Variants in DSCAML1 observed in about 807,000 individuals in gnomAD.
The protein encoded by DSCAML1 is cell adhesion molecule DSCAML1.
Under a neutral mutation model 200.5 loss-of-function variants are expected in DSCAML1, and 38 were observed. The observed-to-expected ratio is 0.19, with a 90% CI of 0.15 to 0.25. DSCAML1 has a LOEUF of 0.25. DSCAML1 is among the 10% of genes least tolerant of loss of function. The pLI is 1.00. For missense variants in DSCAML1, 2,223 were observed against 2,858.8 expected (o/e 0.78, Z 5.07); for synonymous variants, 1,215 against 1,165.0 (o/e 1.04, Z -0.87).
chr11:117,655,378 T>C (rs1369142330), intron 3 of DSCAML1, among the ~76,000 whole-genome samples: 1 of 152,240 alleles, frequency 6.6e-6, no homozygotes, highest in African/African-American at 2.4e-5. Flanking sequence ...GCATCAGACA[T>C]AGACTTTACA....
chr11:117,745,639 A>C (rs73585222), intron 3 of DSCAML1, among the ~76,000 whole-genome samples: 178 of 152,302 alleles, frequency 1.2e-3, no homozygotes, highest in African/African-American at 4.0e-3. Context: ...TGGCATGTCC[A>C]TCCTCCTCCG....
chr11:117,627,941 G>GC (rs2052090052), intron 3 of DSCAML1, among the ~76,000 whole-genome samples: 1 of 151,994 alleles, frequency 6.6e-6, no homozygotes, highest in Non-Finnish European at 1.5e-5. Flanking sequence ...GGGACCATGG[G>GC]CCCCTATGCA....
At chr11:117,587,372 C>T (rs1255099612) in intron 3 of DSCAML1, among the ~76,000 whole-genome samples, 1 of 151,926 alleles carries the variant, frequency 6.6e-6, no homozygotes, top group Admixed American at 6.6e-5. Context: ...AGCCGCAGGG[C>T]TCGGATGCTG....
intron 3 of DSCAML1, among the ~76,000 whole-genome samples, chr11:117,699,206 G>A (rs906786086): frequency 2.0e-5 from 3 of 152,172 alleles, no homozygotes; most frequent in Non-Finnish European, 1.5e-5. Flanking sequence ...GGCCAACAGG[G>A]TTTGAGCAGA....
intron 8 of DSCAML1, among the ~76,000 whole-genome samples, chr11:117,514,944 C>T (rs1255706663): frequency 6.6e-6 from 1 of 152,260 alleles, no homozygotes; most frequent in African/African-American, 2.4e-5. Flanking sequence ...TGTTACCTGC[C>T]TTAGCTGAGT....
intron 3 of DSCAML1, among the ~76,000 whole-genome samples, chr11:117,636,635 C>A (rs1039201129): frequency 2.6e-5 from 4 of 152,288 alleles, no homozygotes; most frequent in African/African-American, 7.2e-5. Context: ...AAACCCCCAA[C>A]CCCTTAACTC....
chr11:117,779,284 T>C (rs997969027), intron 2 of DSCAML1, among the ~76,000 whole-genome samples: 1 of 152,082 alleles, frequency 6.6e-6, no homozygotes. Context: ...ACCTTACCAT[T>C]GATTGTGAGA....
intron 15 of DSCAML1, 43 bp from the exon 16 acceptor site, chr11:117,470,023 T>C: frequency 6.5e-7 from 1 of 1,535,468 alleles, no homozygotes; most frequent in Non-Finnish European, 8.8e-7. Context: ...AAGTCAAGAC[T>C]TGGAAGAGGA....
At chr11:117,432,078 T>C (rs746752738) in intron 30 of DSCAML1, among the ~76,000 whole-genome samples, 2 of 152,122 alleles carry the variant, frequency 1.3e-5, no homozygotes, top group Non-Finnish European at 2.9e-5. Flanking sequence ...GTGCTAGAGA[T>C]AGAAAGACCC....
At chr11:117,531,280 A>G (rs1205592966) in intron 4 of DSCAML1, among the ~76,000 whole-genome samples, 1 of 152,092 alleles carries the variant, frequency 6.6e-6, no homozygotes, top group Non-Finnish European at 1.5e-5. Context: ...TGTGCCTCCC[A>G]CTGGTTAAAT....
intron 3 of DSCAML1, among the ~76,000 whole-genome samples, chr11:117,681,993 A>G (rs543465905): frequency 1.3e-5 from 2 of 151,966 alleles, no homozygotes; most frequent in African/African-American, 4.8e-5. Context: ...TGATCTTGTC[A>G]CTCCCGCTTC....
chr11:117,459,578 C>T (rs1415259279), intron 18 of DSCAML1, among the ~76,000 whole-genome samples: 1 of 152,234 alleles, frequency 6.6e-6, no homozygotes, highest in African/African-American at 2.4e-5. Flanking sequence ...CCAGGAAGGG[C>T]TGGGACACTC....
intron 3 of DSCAML1, among the ~76,000 whole-genome samples, chr11:117,539,288 C>A (rs2050222329): frequency 6.6e-6 from 1 of 152,152 alleles, no homozygotes; most frequent in African/African-American, 2.4e-5. Context: ...ATCACTATTT[C>A]TACTACAACC....
intron 18 of DSCAML1, among the ~76,000 whole-genome samples, chr11:117,460,105 G>T (rs1265052846): frequency 6.6e-6 from 1 of 152,244 alleles, no homozygotes; most frequent in Non-Finnish European, 1.5e-5. Context: ...TTCCTTAGGG[G>T]CTAAGCTGGA....
intron 3 of DSCAML1, among the ~76,000 whole-genome samples, chr11:117,540,171 G>A (rs1300224055): frequency 6.6e-6 from 1 of 152,192 alleles, no homozygotes; most frequent in African/African-American, 2.4e-5. Context: ...CCCAACCTTG[G>A]GGCCGTGGAC....
chr11:117,432,585 G>C, intron 29 of DSCAML1, 81 bp from the exon 30 acceptor site: 1 of 1,448,660 alleles, frequency 6.9e-7, no homozygotes, highest in Non-Finnish European at 9.4e-7. Flanking sequence ...ATTTCTCTTT[G>C]TCTTTATCCA....
At chr11:117,710,607 G>A (rs763080480) in intron 3 of DSCAML1, among the ~76,000 whole-genome samples, 7 of 152,140 alleles carry the variant, frequency 4.6e-5, no homozygotes, top group South Asian at 2.1e-4. Flanking sequence ...TGACTTAACC[G>A]CCCCGTGACT....
At chr11:117,787,951 C>T (rs2055391094) in intron 1 of DSCAML1, among the ~76,000 whole-genome samples, 1 of 152,164 alleles carries the variant, frequency 6.6e-6, no homozygotes, top group Non-Finnish European at 1.5e-5. Context: ...AAAATTGGTT[C>T]TAGAGAGGAT....
At chr11:117,442,038 G>A (rs75061840) in intron 21 of DSCAML1, among the ~76,000 whole-genome samples, 1 of 80,332 alleles carries the variant, frequency 1.2e-5, no homozygotes, top group Non-Finnish European at 2.6e-5. Flanking sequence ...GTGTATGTGT[G>A]TGTGTGTGTT....
Sources: gnomAD v4.1 joint callset for allele counts (sites outside exome capture counted in the v4.1 genomes callset) on GRCh38, gnomAD v4.1.1 for gene constraint, MANE v1.5 for transcripts, NCBI Gene and HGNC (gene_info 2026-07-23, HGNC 2026-07-21) for gene names.